MACROD2: variants seen among roughly 807,000 people sequenced by gnomAD.
The protein encoded by MACROD2 is ADP-ribose glycohydrolase MACROD2.
MACROD2 carries 36 observed loss-of-function variants against 70.4 expected under a neutral mutation model. That is an observed-to-expected ratio of 0.51 (90% confidence interval 0.39 to 0.68). The LOEUF (loss-of-function observed/expected upper bound fraction) is 0.68, where lower values mean the gene tolerates loss of function less well. MACROD2 is among the 30% of genes least tolerant of loss of function. The probability of loss-of-function intolerance (pLI) is 0.00; values close to 1 mark genes in which losing one functional copy is unlikely to be tolerated. For synonymous variants in MACROD2, 172 were observed against 178.8 expected, an observed-to-expected ratio of 0.96 and a Z score of 0.30; for missense variants, 496 against 538.4, an observed-to-expected ratio of 0.92 and a Z score of 0.78.
chr20:15,596,161 A>G (rs2048743712), intron 8 of MACROD2, among the ~76,000 whole-genome samples: 1 of 152,242 alleles, frequency 6.6e-6, no homozygotes, highest in South Asian at 2.1e-4. Flanking sequence ...AAGAAAAGGT[A>G]GTCATAATTG....
At chr20:14,855,445 T>A (rs770993575) in intron 5 of MACROD2, among the ~76,000 whole-genome samples, 4 of 152,160 alleles carry the variant, frequency 2.6e-5, no homozygotes, top group Non-Finnish European at 4.4e-5. Flanking sequence ...TGTTTCATGG[T>A]AAATTTATCT....
chr20:15,610,991 CTTTTTTTTTT>C (rs34495725), intron 8 of MACROD2, among the ~76,000 whole-genome samples: 6 of 60,088 alleles, frequency 1.0e-4, no homozygotes, highest in East Asian at 5.8e-4. Context: ...AGCCAAAAAT[CTTTTTTTTTT>C]TTTTTTTTTT....
intron 12 of MACROD2, among the ~76,000 whole-genome samples, chr20:15,965,569 TGTG>T (rs1163982205): frequency 6.6e-6 from 1 of 152,198 alleles, no homozygotes; most frequent in African/African-American, 2.4e-5. Context: ...GAGAAATTAA[TGTG>T]GTACAAGACT....
At chr20:14,892,290 G>A (rs550731672) in intron 5 of MACROD2, among the ~76,000 whole-genome samples, 3 of 152,132 alleles carry the variant, frequency 2.0e-5, no homozygotes, top group African/African-American at 7.2e-5. Context: ...TGGCCAACAT[G>A]GTGAAACCAC....
rs577281560 is a variant in MACROD2, at chr20:15,827,020, G to A, written c.646-35725G>A. 1.1e-4 allele frequency among the ~76,000 whole-genome samples: 16 copies of A among 152,258 alleles called. No homozygotes were observed. In the South Asian group the frequency reaches 3.3e-3, roughly 32 times the overall value. On this transcript the variant is annotated intron_variant, in intron 8 of 17. Coordinates refer to ENST00000684519, the MANE Select transcript of MACROD2 (RefSeq NM_001351661.2). ...AATTATGGTAAATAGTGAACTAATT[G>A]CCTTAAAAATGGTAGAACTTTTCTT...
intron 3 of MACROD2, among the ~76,000 whole-genome samples, chr20:14,138,926 A>G (rs1179002716): frequency 6.6e-6 from 1 of 152,198 alleles, no homozygotes; most frequent in East Asian, 1.9e-4. Context: ...TTTGTCAATT[A>G]TACGTCAATA....
At chr20:15,881,848 G>A (rs992132630) in intron 9 of MACROD2, among the ~76,000 whole-genome samples, 1 of 152,122 alleles carries the variant, frequency 6.6e-6, no homozygotes, top group African/African-American at 2.4e-5. Flanking sequence ...AGAACATCTT[G>A]TGAGGTTAGA....
intron 4 of MACROD2, among the ~76,000 whole-genome samples, chr20:14,506,651 A>G (rs1262019653): frequency 6.6e-6 from 1 of 152,186 alleles, no homozygotes; most frequent in Non-Finnish European, 1.5e-5. Flanking sequence ...ACTTTCAGAT[A>G]AAAAATAATC....
intron 3 of MACROD2, chr20:14,127,551 A>G: frequency 2.1e-6 from 1 of 481,896 alleles, no homozygotes; most frequent in Non-Finnish European, 3.9e-6. Flanking sequence ...TTTGCAGGCA[A>G]TTTTGAGGGA....
At chr20:15,066,671 G>A (rs1032033335) in intron 5 of MACROD2, among the ~76,000 whole-genome samples, 1 of 151,746 alleles carries the variant, frequency 6.6e-6, no homozygotes, top group South Asian at 2.1e-4. Flanking sequence ...ACTGAGCTAG[G>A]GAGTTCAAAA....
intron 5 of MACROD2, among the ~76,000 whole-genome samples, chr20:15,045,130 AAAAAG>A (rs779686224): frequency 4.8e-4 from 72 of 150,266 alleles, no homozygotes; most frequent in Admixed American, 8.6e-4. Flanking sequence ...GATGATCTAG[AAAAAG>A]AAAAGAAAAG....
At chr20:14,346,458 A>G (rs1445514089) in intron 3 of MACROD2, among the ~76,000 whole-genome samples, 2 of 152,244 alleles carry the variant, frequency 1.3e-5, no homozygotes, top group Admixed American at 6.5e-5. Context: ...AGATATTACC[A>G]TCTCCATTCT....
chr20:15,248,324 T>G (rs1284875168), intron 6 of MACROD2, among the ~76,000 whole-genome samples: 1 of 152,178 alleles, frequency 6.6e-6, no homozygotes, highest in Non-Finnish European at 1.5e-5. Context: ...ACTTGACACT[T>G]GTGGCCATTC....
chr20:15,596,212 A>G (rs1194712413), intron 8 of MACROD2, among the ~76,000 whole-genome samples: 1 of 152,122 alleles, frequency 6.6e-6, no homozygotes, highest in African/African-American at 2.4e-5. Flanking sequence ...GGCTCGGTCA[A>G]CTCTACTGAG....
intron 9 of MACROD2, among the ~76,000 whole-genome samples, chr20:15,867,988 G>C (rs1262912851): frequency 6.6e-6 from 1 of 152,112 alleles, no homozygotes; most frequent in East Asian, 1.9e-4. Context: ...CTAGTGATTA[G>C]AGGCCAGGGG....
At chr20:15,389,879 C>T (rs1172580159) in intron 6 of MACROD2, among the ~76,000 whole-genome samples, 3 of 152,102 alleles carry the variant, frequency 2.0e-5, no homozygotes, top group Non-Finnish European at 2.9e-5. Context: ...CTTAAATGTT[C>T]CTGGTACTAA....
chr20:14,702,637 G>GTA lies in MACROD2; in HGVS notation c.418+17689_418+17690dup, dbSNP rs373374437. Among the ~76,000 whole-genome samples the GTA allele has an allele frequency of 1.1e-4, 7 of 65,394 alleles. 2 individuals are homozygous for GTA. The highest frequency in any genetic ancestry group is 1.7e-4 in the African/African-American group (3 of 17,230). 42.9% of individuals were successfully genotyped at this position (65,394 alleles called of 152,430 possible). A position where few individuals can be genotyped will look rare whatever the true frequency, so the allele number is the denominator to read the frequency against. On this transcript the variant is annotated intron_variant, in intron 5 of 17. Coordinates refer to ENST00000684519, the MANE Select transcript of MACROD2 (RefSeq NM_001351661.2). Reference sequence around the variant, plus strand: ...TGTATATATATATACATATATATATGTATATATATATACACATATATATGT... The same window carrying GTA: ...TGTATATATATATACATATATATATGTATATATATATATACACATATATATGT...
Position 14,448,696 on chromosome 20 carries a change from G to GAAA in MACROD2, c.272-44782_272-44780dup, listed in dbSNP as rs1265581513. 1.5e-3 allele frequency among the ~76,000 whole-genome samples: 221 copies of GAAA among 151,828 alleles called. 2 individuals carry two copies. Among genetic ancestry groups the GAAA allele is most frequent in the African/African-American group, 5.0e-3 (206 of 41,322 alleles). ...AAAAAAAAAGAAAGAAAGAAAGAAAGAAAGGCGGTGAGAGACAAACATAAC... is the reference window on the plus strand; with the variant it reads ...AAAAAAAAAGAAAGAAAGAAAGAAAGAAAAAAGGCGGTGAGAGACAAACATAAC... On this transcript the variant is annotated intron_variant, in intron 3 of 17. Coordinates refer to ENST00000684519, the MANE Select transcript of MACROD2 (RefSeq NM_001351661.2).
At chr20:15,176,441 C>CA (rs1320985876) in intron 5 of MACROD2, among the ~76,000 whole-genome samples, 1 of 152,104 alleles carries the variant, frequency 6.6e-6, no homozygotes, top group Non-Finnish European at 1.5e-5. Flanking sequence ...AATCAGCATG[C>CA]ACTTCCTCCC....
Sources: gnomAD v4.1 joint callset for allele counts (sites outside exome capture counted in the v4.1 genomes callset) on GRCh38, gnomAD v4.1.1 for gene constraint, MANE v1.5 for transcripts, NCBI Gene and HGNC (gene_info 2026-07-23, HGNC 2026-07-21) for gene names.